GXYLT1: variants seen among roughly 807,000 people sequenced by gnomAD.
The protein encoded by GXYLT1 is glycosyltransferase 8 domain containing 3.
Under a neutral mutation model 54.0 loss-of-function variants are expected in GXYLT1, and 29 were observed. That is an observed-to-expected ratio of 0.54 (90% CI 0.40 to 0.73). GXYLT1 has a LOEUF of 0.73. Ranked by LOEUF, GXYLT1 falls within the 30% of genes least tolerant of loss-of-function variation. The pLI is 0.00. For synonymous variants in GXYLT1, 176 were observed against 204.1 expected (o/e 0.86, Z 1.17); for missense variants, 490 against 553.4 (o/e 0.89, Z 1.15).
rs750477571 is a variant in GXYLT1, at chr12:42,129,833, C to A, written c.240G>T (p.Leu80=). The change falls in exon 2 of 8, where the codon CTG becomes CTT. Residue 80 remains leucine (L), a synonymous_variant. Coordinates refer to ENST00000398675, the MANE Select transcript of GXYLT1 (RefSeq NM_173601.2). ...GCATCCAATAGGGATTCCAGTAACA[C>A]AGAGAGAAATCTTTACACCTAACAG... ...GVSDRCKDFS[L]CYWNPYWMLP... is the part of the protein sequence containing the mutation. 7 of 1,612,696 alleles carry A rather than the reference C, an allele frequency of 4.3e-6. No individual in the cohort carries two copies. In the East Asian group the frequency reaches 1.3e-4, roughly 31 times the overall value.
In GXYLT1 at chr12:42,144,741, A is replaced by G; in HGVS notation, c.-95T>C. ...GCACCGCGCAGCCGCGGGCGCAACA[A>G]GTTCCTCACCCGCAGCCGCCGCCGC... On this transcript the variant is annotated 5_prime_UTR_variant, in exon 1 of 8. Coordinates refer to ENST00000398675, the MANE Select transcript of GXYLT1 (RefSeq NM_173601.2). The G allele has an allele frequency of 3.2e-6, 3 of 950,540 alleles. No homozygotes were observed. The highest frequency in any genetic ancestry group is 4.2e-6 in the Non-Finnish European group (3 of 716,514). 58.9% of individuals were successfully genotyped at this position (950,540 alleles called of 1,614,324 possible). A position where few individuals can be genotyped will look rare whatever the true frequency, so the allele number is the denominator to read the frequency against.
intron 5 of GXYLT1, among the ~76,000 whole-genome samples, chr12:42,100,008 A>G (rs1192364060): frequency 6.6e-6 from 1 of 152,206 alleles, no homozygotes; most frequent in Non-Finnish European, 1.5e-5. Flanking sequence ...GCTTTTTTAA[A>G]ATAAAAAAGA....
chr12:42,143,431 A>G (rs192748124), intron 1 of GXYLT1, among the ~76,000 whole-genome samples: 18 of 152,252 alleles, frequency 1.2e-4, no homozygotes, highest in African/African-American at 4.1e-4. Context: ...CCTCTGCCCA[A>G]ACTTTCCCCT....
intron 7 of GXYLT1, among the ~76,000 whole-genome samples, chr12:42,093,753 C>A (rs556428160): frequency 6.6e-6 from 1 of 151,956 alleles, no homozygotes; most frequent in Non-Finnish European, 1.5e-5. Context: ...GAGGGAGTTG[C>A]CTCAGCTGGT....
rs1367949413 is a variant in GXYLT1 at position 42,144,713 on chromosome 12, G to GGGGC, written c.-71_-68dup. On this transcript the variant is annotated 5_prime_UTR_variant, in exon 1 of 8. Coordinates refer to ENST00000398675, the MANE Select transcript of GXYLT1 (RefSeq NM_173601.2). The stretch of plus-strand genomic sequence containing the variant: ...GCCCCGACGAACTGGAGCGGAGGGA[G>GGGGC]GGGCACCGCGCAGCCGCGGGCGCAA... The GGGGC allele has an allele frequency of 8.4e-7, 1 of 1,184,152 alleles. No individual in the cohort carries two copies. Among genetic ancestry groups the GGGGC allele is most frequent in the Non-Finnish European group, 1.1e-6 (1 of 911,556 alleles). The allele number at this position is 1,184,152 out of a possible 1,614,324, so 73.4% of individuals were successfully genotyped here. A position where few individuals can be genotyped will look rare whatever the true frequency, so the allele number is the denominator to read the frequency against.
chr12:42,117,462 G>A (rs2065503676), intron 3 of GXYLT1, among the ~76,000 whole-genome samples: 3 of 151,374 alleles, frequency 2.0e-5, no homozygotes, highest in Non-Finnish European at 4.4e-5. Flanking sequence ...GTTTTTGGCA[G>A]AAAACTGAAA....
chr12:42,127,399 T>A (rs1276027976), intron 2 of GXYLT1, among the ~76,000 whole-genome samples: 1 of 152,138 alleles, frequency 6.6e-6, no homozygotes, highest in East Asian at 1.9e-4. Context: ...ATATTACGGG[T>A]AGAAAGTATA....
intron 3 of GXYLT1, among the ~76,000 whole-genome samples, chr12:42,113,232 A>G (rs1291440891): frequency 1.3e-5 from 2 of 151,200 alleles, no homozygotes; most frequent in African/African-American, 4.9e-5. Context: ...ACTAACGAGC[A>G]AAATAACCAG....
chr12:42,129,664 CATA>C, intron 2 of GXYLT1, 92 bp downstream of exon 2: 1 of 735,674 alleles, frequency 1.4e-6, no homozygotes, highest in South Asian at 1.9e-5. Flanking sequence ...TGTATAATAT[CATA>C]AGAAACATTC....
rs1390453042 is a variant in GXYLT1, at chr12:42,082,945, C to T, written c.*4841G>A. ...TGATATTTAAATGTCTGACCAGGGA[C>T]CCTCCAAATAGTATTCACAGTATTA... On this transcript the variant is annotated 3_prime_UTR_variant, in exon 8 of 8. Transcript: ENST00000398675. 1 of 152,116 alleles carries T rather than the reference C, an allele frequency of 6.6e-6. No homozygotes were observed. Among genetic ancestry groups the T allele is most frequent in the Non-Finnish European group, 1.5e-5 (1 of 68,030 alleles). 9.4% of individuals were successfully genotyped at this position (152,116 alleles called of 1,614,324 possible). A position where few individuals can be genotyped will look rare whatever the true frequency, so the allele number is the denominator to read the frequency against.
intron 3 of GXYLT1, among the ~76,000 whole-genome samples, chr12:42,113,995 A>G (rs2065476160): frequency 6.6e-6 from 1 of 152,218 alleles, no homozygotes; most frequent in Admixed American, 6.5e-5. Flanking sequence ...CCACTCAACT[A>G]CATGGAAACT....
chr12:42,099,053 T>C lies in GXYLT1; in HGVS notation c.865-1020A>G, dbSNP rs574504928. The stretch of plus-strand genomic sequence containing the variant: ...CTCACCATCCCAGAGAGAGGCAAGT[T>C]AGGACTGGCAGCTTTGGCAATATTA... On this transcript the variant is annotated intron_variant, in intron 5 of 7. Transcript: ENST00000398675. Among the ~76,000 whole-genome samples, 236 of 152,050 alleles carry C rather than the reference T, an allele frequency of 1.6e-3. 1 individual carries two copies. The highest frequency in any genetic ancestry group is 5.4e-3 in the African/African-American group (224 of 41,462).
At chr12:42,122,546 T>C (rs534554264) in intron 2 of GXYLT1, among the ~76,000 whole-genome samples, 1 of 152,244 alleles carries the variant, frequency 6.6e-6, no homozygotes, top group East Asian at 1.9e-4. Flanking sequence ...GCTGGAATCA[T>C]GCCATTGCAC....
At chr12:42,099,986 T>C (rs1004462935) in intron 5 of GXYLT1, among the ~76,000 whole-genome samples, 2 of 152,230 alleles carry the variant, frequency 1.3e-5, no homozygotes, top group Non-Finnish European at 2.9e-5. Context: ...AATCTATCAA[T>C]TTATATTTTA....
At position 42,087,922 on chromosome 12, in the gene GXYLT1, C is replaced by A. The variant is rs558061830; in HGVS notation, c.1187G>T (p.Arg396Leu). Reference sequence around the variant, plus strand: ...CAGTTCTAAAGGTTTTAATAAGGAACGGATGTTGTCATCTTCAAAAGAACA... The same window carrying A: ...CAGTTCTAAAGGTTTTAATAAGGAAAGGATGTTGTCATCTTCAAAAGAACA... ...RNCSFEDDNI[R>L]SLLKPLELEL... The change falls in exon 8 of 8, where the codon CGT becomes CTT. Residue 396 changes from arginine (R) to leucine (L), a missense_variant. This residue lies in a region of GXYLT1 where 342 missense variants were observed against 342.6 expected (regional missense o/e 1.00). Transcript: ENST00000398675. 1.3e-6 allele frequency: 2 copies of A among 1,550,614 alleles called. No homozygotes were observed. Among genetic ancestry groups the A allele is most frequent in the Non-Finnish European group, 1.7e-6 (2 of 1,149,878 alleles).
chr12:42,119,261 C>A, intron 2 of GXYLT1, 90 bp from the exon 3 acceptor site: 1 of 1,112,750 alleles, frequency 9.0e-7, no homozygotes, highest in Non-Finnish European at 1.3e-6. Context: ...AAGCTCAAAG[C>A]CAGATGTTGT....
In GXYLT1 at chr12:42,144,865, C is replaced by T. The variant is rs1592132455; in HGVS notation, c.-219G>A. ...AGGACTACCCGCCCGGAAGCCTGGA[C>T]ACCGCCTCTGCCGCCGCGCGCTCAA... On this transcript the variant is annotated 5_prime_UTR_variant, in exon 1 of 8. Transcript: ENST00000398675. 3.0e-6 allele frequency: 1 copy of T among 334,456 alleles called. No individual in the cohort carries two copies. Among genetic ancestry groups the T allele is most frequent in the African/African-American group, 2.2e-5 (1 of 46,362 alleles). 20.7% of individuals were successfully genotyped at this position (334,456 alleles called of 1,614,324 possible).
intron 1 of GXYLT1, among the ~76,000 whole-genome samples, chr12:42,141,196 G>C (rs1452701094): frequency 6.6e-6 from 1 of 152,178 alleles, no homozygotes; most frequent in African/African-American, 2.4e-5. Context: ...ACCCAGGCAA[G>C]TCCAATGACA....
At chr12:42,107,843 A>C (rs1227402813) in intron 4 of GXYLT1, among the ~76,000 whole-genome samples, 1 of 152,210 alleles carries the variant, frequency 6.6e-6, no homozygotes, top group East Asian at 1.9e-4. Flanking sequence ...GCAGAGTAGG[A>C]AGAAGCTACA....
Sources: allele counts gnomAD v4.1 joint callset (sites outside exome capture counted in the v4.1 genomes callset), GRCh38; gene constraint gnomAD v4.1.1; regional missense constraint gnomAD v4.1.1; transcripts MANE v1.5; gene names NCBI Gene and HGNC (gene_info 2026-07-23, HGNC 2026-07-21).